The following TMEM132D variants were observed in gnomAD, a reference collection of about 807,000 sequenced individuals.
TMEM132D encodes the protein transmembrane protein 132D.
TMEM132D carries 21 observed loss-of-function variants against 62.3 expected under a neutral mutation model. The observed-to-expected ratio is 0.34, with a 90% CI of 0.24 to 0.49. The LOEUF is 0.49. Ranked by LOEUF, TMEM132D falls within the 20% of genes least tolerant of loss-of-function variation. The pLI is 0.99. For synonymous variants in TMEM132D, 621 were observed against 575.6 expected (o/e 1.08, Z -1.13); for missense variants, 1,346 against 1,402.8 (o/e 0.96, Z 0.65).
At chr12:129,164,143 A>G (rs1159316763) in intron 5 of TMEM132D, among the ~76,000 whole-genome samples, 2 of 152,204 alleles carry the variant, frequency 1.3e-5, no homozygotes, top group African/African-American at 4.8e-5. Flanking sequence ...TGGACTGAAA[A>G]AAACCACAAC....
At chr12:129,436,410 A>C (rs1872788926) in intron 3 of TMEM132D, among the ~76,000 whole-genome samples, 1 of 152,186 alleles carries the variant, frequency 6.6e-6, no homozygotes, top group Non-Finnish European at 1.5e-5. Flanking sequence ...TTTTATACTC[A>C]GGAGTTTTTA....
rs143205883 is a variant in TMEM132D at position 129,419,407 on chromosome 12, C to G, written c.1116-81590G>C. On this transcript the variant is annotated intron_variant, in intron 3 of 8. Transcript: ENST00000422113. ...GTATTAGGGGATGAAGATGAGCGTG[C>G]AGGAACAGCAGCAAATATTTTGCCA... Among the ~76,000 whole-genome samples the G allele has an allele frequency of 4.6e-5, 7 of 152,170 alleles. No homozygotes were observed. In the East Asian group the frequency reaches 1.4e-3, roughly 29 times the overall value.
intron 3 of TMEM132D, among the ~76,000 whole-genome samples, chr12:129,366,084 C>T (rs1230625137): frequency 1.3e-5 from 2 of 151,872 alleles, no homozygotes; most frequent in Non-Finnish European, 2.9e-5. Flanking sequence ...CTTAAAATTA[C>T]TAAATAAATA....
At chr12:129,362,316 T>C (rs1248798153) in intron 3 of TMEM132D, among the ~76,000 whole-genome samples, 1 of 152,118 alleles carries the variant, frequency 6.6e-6, no homozygotes, top group Non-Finnish European at 1.5e-5. Flanking sequence ...ACAAGGCAAT[T>C]GGGGCTGTGG....
chr12:129,111,531 G>A (rs1875702928), intron 5 of TMEM132D: 1 of 152,198 alleles, frequency 6.6e-6, no homozygotes, highest in Non-Finnish European at 1.5e-5. Flanking sequence ...TGTCTGATGG[G>A]TGGGCATCCG....
At chr12:129,162,463 T>G (rs889471645) in intron 5 of TMEM132D, among the ~76,000 whole-genome samples, 7 of 152,194 alleles carry the variant, frequency 4.6e-5, no homozygotes, top group Non-Finnish European at 8.8e-5. Context: ...ACATGGAAAG[T>G]AAAGTGAGCA....
chr12:129,241,348 G>C lies in TMEM132D; in HGVS notation c.1300-31685C>G, dbSNP rs1170046267. ...CAAATAATCTGATTGCCTTGGAACG[G>C]CAAAATTCTTCCATGAGACCCTGAA... is the stretch of plus-strand genomic sequence containing the variant. On this transcript the variant is annotated intron_variant, in intron 4 of 8. Coordinates refer to ENST00000422113, the MANE Select transcript of TMEM132D (RefSeq NM_133448.3). Among the ~76,000 whole-genome samples the C allele has an allele frequency of 3.9e-5, 6 of 152,224 alleles. No individual in the cohort carries two copies. In the South Asian group the frequency reaches 1.0e-3, roughly 26 times the overall value.
chr12:129,146,746 G>A (rs992748165), intron 5 of TMEM132D, among the ~76,000 whole-genome samples: 2 of 152,142 alleles, frequency 1.3e-5, no homozygotes, highest in Non-Finnish European at 1.5e-5. Context: ...CTCAGCCTAT[G>A]TTTGACCTTT....
At chr12:129,725,316 G>C (rs1230395430) in intron 1 of TMEM132D, among the ~76,000 whole-genome samples, 1 of 152,172 alleles carries the variant, frequency 6.6e-6, no homozygotes, top group African/African-American at 2.4e-5. Context: ...CCTACAGATA[G>C]TGTGCTAATA....
At position 129,704,797 on chromosome 12, in the gene TMEM132D, C is replaced by T. The variant is rs942524916; in HGVS notation, c.80-4099G>A. On this transcript the variant is annotated intron_variant, in intron 1 of 8. Transcript: ENST00000422113. ...CCTACCAATAAAAGCTGCAGAGTAA[C>T]GAAGGAAATTCAGAAAGACATTCAA... Among the ~76,000 whole-genome samples the T allele has an allele frequency of 2.0e-5, 3 of 152,166 alleles. No individual in the cohort carries two copies. The South Asian group carries it at 6.2e-4, about 32-fold the overall frequency.
At chr12:129,452,215 G>A (rs4759570) in intron 3 of TMEM132D, among the ~76,000 whole-genome samples, 15,567 of 152,266 alleles carry the variant, frequency 0.1, 1,049 homozygotes, top group Non-Finnish European at 0.14. Flanking sequence ...AGGGCAGTGC[G>A]TAATAGCGCC....
chr12:129,443,015 G>A (rs1032893208), intron 3 of TMEM132D, among the ~76,000 whole-genome samples: 3 of 152,094 alleles, frequency 2.0e-5, no homozygotes, highest in Admixed American at 2.0e-4. Context: ...TCCTCAGGGT[G>A]GGGTGGAGAG....
At chr12:129,782,013 G>A (rs1372174109) in intron 1 of TMEM132D, among the ~76,000 whole-genome samples, 1 of 152,170 alleles carries the variant, frequency 6.6e-6, no homozygotes, top group African/African-American at 2.4e-5. Context: ...GGATGGAGGA[G>A]CATTCATGAC....
chr12:129,122,398 T>C lies in TMEM132D; in HGVS notation c.1444-37696A>G, dbSNP rs572275874. On this transcript the variant is annotated intron_variant, in intron 5 of 8. Coordinates refer to ENST00000422113, the MANE Select transcript of TMEM132D (RefSeq NM_133448.3). ...CACTGGAAATGTCTTCAGAGTAACATTCAACGCTTACAACCTGGTACTACC... is the reference window on the plus strand; with the variant it reads ...CACTGGAAATGTCTTCAGAGTAACACTCAACGCTTACAACCTGGTACTACC... Among the ~76,000 whole-genome samples, 8 of 152,346 alleles carry C rather than the reference T, an allele frequency of 5.3e-5. No homozygotes were observed. The South Asian group carries it at 1.5e-3, about 28-fold the overall frequency.
intron 3 of TMEM132D, among the ~76,000 whole-genome samples, chr12:129,377,255 G>A (rs1452217142): frequency 6.6e-6 from 1 of 152,140 alleles, no homozygotes; most frequent in African/African-American, 2.4e-5. Context: ...AAACCTGCCT[G>A]TACCTTGATT....
intron 1 of TMEM132D, among the ~76,000 whole-genome samples, chr12:129,831,078 G>A (rs942182314): frequency 5.9e-5 from 9 of 152,078 alleles, no homozygotes; most frequent in Admixed American, 5.2e-4. Context: ...GTTTCTAGAA[G>A]TTCCACCATG....
intron 1 of TMEM132D, among the ~76,000 whole-genome samples, chr12:129,765,528 C>T (rs60302026): frequency 0.95 from 142,917 of 150,932 alleles, 67,937 homozygotes; most frequent in Non-Finnish European, 1. Context: ...ATTGCGCCAT[C>T]GCATTCCAGC....
intron 5 of TMEM132D, among the ~76,000 whole-genome samples, chr12:129,146,174 A>G (rs1406161775): frequency 6.6e-6 from 1 of 151,656 alleles, no homozygotes; most frequent in Non-Finnish European, 1.5e-5. Context: ...ATCGTACTGA[A>G]CCTCTCCAGA....
chr12:129,106,998 T>A (rs374543477), intron 5 of TMEM132D, among the ~76,000 whole-genome samples: 42 of 152,350 alleles, frequency 2.8e-4, no homozygotes, highest in African/African-American at 9.4e-4. Flanking sequence ...ATCCCCTAAC[T>A]GATCCTGACT....
Sources: gnomAD v4.1 joint callset for allele counts (sites outside exome capture counted in the v4.1 genomes callset) on GRCh38, gnomAD v4.1.1 for gene constraint, MANE v1.5 for transcripts, NCBI Gene and HGNC (gene_info 2026-07-23, HGNC 2026-07-21) for gene names.